Variants in ZFHX3 observed in about 807,000 individuals in gnomAD.
ZFHX3 encodes the protein zinc finger homeobox 3.
Under a neutral mutation model 279.1 loss-of-function variants are expected in ZFHX3, and 42 were observed. The ratio of observed to expected loss-of-function variants is 0.15; its 90% CI spans 0.12 to 0.19. The LOEUF (loss-of-function observed/expected upper bound fraction) is 0.19. Among genes scored for constraint, ZFHX3 ranks in the 10% least tolerant of loss-of-function variants. The pLI is 1.00. For synonymous variants in ZFHX3, 2,293 were observed against 1,957.8 expected (o/e 1.17, Z -4.52); for missense variants, 4,981 against 4,754.0 (o/e 1.05, Z -1.40).
intron 1 of ZFHX3, among the ~76,000 whole-genome samples, chr16:73,889,724 C>G (rs538495362): frequency 3.3e-4 from 50 of 152,184 alleles, no homozygotes; most frequent in Non-Finnish European, 5.0e-4. Context: ...AGGAGCTATT[C>G]TCTGTGCCCT....
chr16:73,751,272 C>T (rs1021465375), intron 1 of ZFHX3, among the ~76,000 whole-genome samples: 1 of 152,200 alleles, frequency 6.6e-6, no homozygotes, highest in Non-Finnish European at 1.5e-5. Flanking sequence ...AGTGCCCATA[C>T]TCTATTTGGC....
intron 1 of ZFHX3, among the ~76,000 whole-genome samples, chr16:73,861,800 A>G (rs568516047): frequency 3.2e-4 from 48 of 152,276 alleles, no homozygotes; most frequent in Middle Eastern, 6.8e-3. Flanking sequence ...TCTGTGTACA[A>G]ATTATTTGGT....
chr16:73,682,906 G>GAAAGAA (rs1323501382), intron 1 of ZFHX3, among the ~76,000 whole-genome samples: 29 of 28,700 alleles, frequency 1.0e-3, no homozygotes, highest in African/African-American at 1.9e-3. Flanking sequence ...AAGAAAGAAA[G>GAAAGAA]AGAAAGAAAG....
rs763870017 is a variant in ZFHX3, at chr16:73,726,441, GA to G, written c.-1607-46202del. Among the ~76,000 whole-genome samples the G allele has an allele frequency of 3.3e-5, 5 of 152,296 alleles. No individual in the cohort carries two copies. In the East Asian group the frequency reaches 9.7e-4, roughly 29 times the overall value. On this transcript the variant is annotated intron_variant, in intron 1 of 17. Coordinates refer to the ZFHX3 transcript ENST00000641206. ...GGGCCAGACATGCCTTTGCTGTGGG[GA>G]TTGTCCTATGCACTGGGGGTTTGTC...
intron 1 of ZFHX3, among the ~76,000 whole-genome samples, chr16:73,857,101 G>A (rs1961751413): frequency 1.3e-5 from 2 of 152,150 alleles, no homozygotes; most frequent in Non-Finnish European, 2.9e-5. Flanking sequence ...TTATCTGAGG[G>A]ATTTCCATGC....
intron 2 of ZFHX3, among the ~76,000 whole-genome samples, chr16:73,511,061 A>T (rs960664264): frequency 6.6e-6 from 1 of 152,240 alleles, no homozygotes; most frequent in African/African-American, 2.4e-5. Context: ...TTGTCAGATG[A>T]GGTACCTGTA....
intron 3 of ZFHX3, among the ~76,000 whole-genome samples, chr16:72,911,597 A>T (rs1169165230): frequency 6.6e-6 from 1 of 152,220 alleles, no homozygotes; most frequent in Non-Finnish European, 1.5e-5. Context: ...CAGGGCAGAT[A>T]AAAGATCATT....
rs116569219 is a variant in ZFHX3 at position 73,296,698 on chromosome 16, C to T, written c.-1194+21542G>A. Among the ~76,000 whole-genome samples, 117 of 152,212 alleles carry T rather than the reference C, an allele frequency of 7.7e-4. 1 individual carries two copies. The highest frequency in any genetic ancestry group is 2.7e-3 in the African/African-American group (114 of 41,530). ...GCAGTTACGTATTTGATCATGGTTACAGGTAGATTCTTTGCATTCATTTGT... is the reference window on the plus strand; with the variant it reads ...GCAGTTACGTATTTGATCATGGTTATAGGTAGATTCTTTGCATTCATTTGT... On this transcript the variant is annotated intron_variant, in intron 4 of 17. Transcript: ENST00000641206.
chr16:73,209,355 T>C (rs2144908297), intron 5 of ZFHX3, among the ~76,000 whole-genome samples: 1 of 152,302 alleles, frequency 6.6e-6, no homozygotes, highest in African/African-American at 2.4e-5. Context: ...AATAGAATTT[T>C]TCCCCCATGG....
intron 2 of ZFHX3, among the ~76,000 whole-genome samples, chr16:73,464,187 A>C (rs2018521585): frequency 6.6e-6 from 1 of 152,106 alleles, no homozygotes; most frequent in Non-Finnish European, 1.5e-5. Flanking sequence ...AAAGGGAATG[A>C]GTAAGTGGAA....
chr16:73,308,348 G>A (rs888816718), intron 4 of ZFHX3, among the ~76,000 whole-genome samples: 6 of 146,734 alleles, frequency 4.1e-5, no homozygotes, highest in African/African-American at 1.5e-4. Context: ...CGCAATCTCT[G>A]CTCACTGCCA....
chr16:73,305,018 C>A (rs1238753294), intron 4 of ZFHX3, among the ~76,000 whole-genome samples: 1 of 152,068 alleles, frequency 6.6e-6, no homozygotes, highest in Non-Finnish European at 1.5e-5. Flanking sequence ...ACTGTCAGAT[C>A]TCTTTACCCC....
At chr16:73,600,224 G>C (rs111821132) in intron 2 of ZFHX3, among the ~76,000 whole-genome samples, 13 of 152,270 alleles carry the variant, frequency 8.5e-5, no homozygotes, top group African/African-American at 3.1e-4. Flanking sequence ...AGAATGGACT[G>C]TTTCTAAAGA....
chr16:73,730,736 A>AT (rs993330113), intron 1 of ZFHX3, among the ~76,000 whole-genome samples: 2 of 152,190 alleles, frequency 1.3e-5, no homozygotes, highest in Non-Finnish European at 2.9e-5. Flanking sequence ...ATTTCCGGCC[A>AT]TTTTTTCAAA....
chr16:72,933,299 GATC>G (rs1959922461), intron 3 of ZFHX3, among the ~76,000 whole-genome samples: 1 of 151,230 alleles, frequency 6.6e-6, no homozygotes, highest in African/African-American at 2.5e-5. Flanking sequence ...AGACACAACA[GATC>G]ATCATTACTA....
chr16:73,132,440 G>A (rs902188937), intron 6 of ZFHX3, among the ~76,000 whole-genome samples: 11 of 152,144 alleles, frequency 7.2e-5, no homozygotes, highest in Non-Finnish European at 1.3e-4. Context: ...TGGGAGCCTC[G>A]TGGATGAAGG....
intron 1 of ZFHX3, among the ~76,000 whole-genome samples, chr16:73,718,185 T>C (rs2053434711): frequency 6.6e-6 from 1 of 151,816 alleles, no homozygotes; most frequent in African/African-American, 2.4e-5. Context: ...CCAAAGGGGG[T>C]AGATGACTTG....
At chr16:73,366,405 A>T in intron 3 of ZFHX3, among the ~76,000 whole-genome samples, 1 of 151,922 alleles carries the variant, frequency 6.6e-6, no homozygotes, top group Non-Finnish European at 1.5e-5. Context: ...CTCTATTTTG[A>T]TTCCTAAGTG....
At chr16:73,027,431 C>G (rs555164761) in intron 1 of ZFHX3, among the ~76,000 whole-genome samples, 2 of 152,344 alleles carry the variant, frequency 1.3e-5, no homozygotes, top group South Asian at 4.1e-4. Context: ...CTTGCGCATG[C>G]AGGCGGGGTG....
Sources: allele counts gnomAD v4.1 joint callset (sites outside exome capture counted in the v4.1 genomes callset), GRCh38; gene constraint gnomAD v4.1.1; transcripts MANE v1.5; gene names NCBI Gene and HGNC (gene_info 2026-07-23, HGNC 2026-07-21).